Variants in CNTN5 observed in about 807,000 individuals in gnomAD.
The protein encoded by CNTN5 is contactin 5.
In CNTN5, 77 loss-of-function variants were observed where a neutral mutation model predicts 129.1. The ratio of observed to expected loss-of-function variants is 0.60; its 90% CI spans 0.50 to 0.72. The LOEUF (loss-of-function observed/expected upper bound fraction) is 0.72, where lower values mean the gene tolerates loss of function less well. Among genes scored for constraint, CNTN5 ranks in the 30% least tolerant of loss-of-function variants. The pLI, the probability that CNTN5 is intolerant of heterozygous loss-of-function variation, is 0.00. For missense variants in CNTN5, 1,478 were observed against 1,328.8 expected, an observed-to-expected ratio of 1.11 and a Z score of -1.75; for synonymous variants, 509 against 465.6, an observed-to-expected ratio of 1.09 and a Z score of -1.20.
At chr11:100,025,039 A>G (rs1941351589) in intron 9 of CNTN5, among the ~76,000 whole-genome samples, 2 of 152,210 alleles carry the variant, frequency 1.3e-5, no homozygotes, top group Admixed American at 6.5e-5. Context: ...ACAATGGGGA[A>G]AATGTCTCCA....
At chr11:100,219,705 T>C (rs1372916969) in intron 15 of CNTN5, among the ~76,000 whole-genome samples, 1 of 152,232 alleles carries the variant, frequency 6.6e-6, no homozygotes. Context: ...TTACTCATTT[T>C]GAGTCTTCAA....
In CNTN5 at chr11:100,202,672, A is replaced by C. The variant is rs1267533441; in HGVS notation, c.1884+9009A>C. Among the ~76,000 whole-genome samples, 4 of 152,052 alleles carry C rather than the reference A, an allele frequency of 2.6e-5. No homozygotes were observed. The East Asian group carries it at 5.8e-4, about 22-fold the overall frequency. On this transcript the variant is annotated intron_variant, in intron 15 of 24. Coordinates refer to ENST00000524871, the MANE Select transcript of CNTN5 (RefSeq NM_014361.4). ...GACCTAAGCTAAAACATTTAAATAGAATTTTACATTTTTAACAGCCCTTTT... is the reference window on the plus strand; with the variant it reads ...GACCTAAGCTAAAACATTTAAATAGCATTTTACATTTTTAACAGCCCTTTT...
intron 13 of CNTN5, among the ~76,000 whole-genome samples, chr11:100,153,058 G>A (rs1328715819): frequency 6.6e-6 from 1 of 152,074 alleles, no homozygotes; most frequent in African/African-American, 2.4e-5. Flanking sequence ...TAATAAAAAT[G>A]CAATTTTCCA....
intron 1 of CNTN5, among the ~76,000 whole-genome samples, chr11:99,232,696 G>T (rs982766611): frequency 1.3e-5 from 2 of 151,928 alleles, no homozygotes; most frequent in Non-Finnish European, 1.5e-5. Context: ...AGTTAATGAG[G>T]GATATAAATA....
chr11:99,483,548 A>C (rs571440869), intron 2 of CNTN5, among the ~76,000 whole-genome samples: 15 of 152,150 alleles, frequency 9.9e-5, no homozygotes, highest in African/African-American at 3.4e-4. Flanking sequence ...GCTGCTCACC[A>C]TTTTCAGGTG....
chr11:99,321,240 C>CA (rs1865556852), intron 1 of CNTN5, among the ~76,000 whole-genome samples: 1 of 151,528 alleles, frequency 6.6e-6, no homozygotes, highest in African/African-American at 2.4e-5. Flanking sequence ...GCACATACAA[C>CA]ACACAGACAG....
intron 2 of CNTN5, among the ~76,000 whole-genome samples, chr11:99,460,235 T>C (rs1187423344): frequency 6.6e-6 from 1 of 151,600 alleles, no homozygotes; most frequent in Non-Finnish European, 1.5e-5. Context: ...AAATTATCTC[T>C]TAAATAGAAA....
At chr11:99,127,800 G>T (rs1237263354) in intron 1 of CNTN5, among the ~76,000 whole-genome samples, 1 of 152,084 alleles carries the variant, frequency 6.6e-6, no homozygotes, top group Non-Finnish European at 1.5e-5. Context: ...GCTGTGTGAG[G>T]TATTTTGTCC....
At chr11:99,810,798 A>G (rs1369069896) in intron 3 of CNTN5, among the ~76,000 whole-genome samples, 1 of 152,136 alleles carries the variant, frequency 6.6e-6, no homozygotes, top group African/African-American at 2.4e-5. Context: ...TACTTTGAAA[A>G]AGGTCAGGTA....
In CNTN5 at chr11:99,073,374, GTT is replaced by G. The variant is rs750531770; in HGVS notation, c.-210+52127_-210+52128del. Among the ~76,000 whole-genome samples, 50 of 61,184 alleles carry G rather than the reference GTT, an allele frequency of 8.2e-4. No individual in the cohort carries two copies. In the East Asian group the frequency reaches 0.02, roughly 25 times the overall value. 40.1% of individuals were successfully genotyped at this position (61,184 alleles called of 152,430 possible). A position where few individuals can be genotyped will look rare whatever the true frequency, so the allele number is the denominator to read the frequency against. On this transcript the variant is annotated intron_variant, in intron 1 of 24. Coordinates refer to ENST00000524871, the MANE Select transcript of CNTN5 (RefSeq NM_014361.4). ...GACTGGTATGTCTCTTTATGGTTTG[GTT>G]TTTTTTTTTTTTTTTTTTTTTTACT... is the stretch of plus-strand genomic sequence containing the variant.
intron 1 of CNTN5, among the ~76,000 whole-genome samples, chr11:99,261,807 C>T (rs535613485): frequency 5.3e-5 from 8 of 151,940 alleles, no homozygotes; most frequent in African/African-American, 1.4e-4. Context: ...ACTTTTATTA[C>T]GACACATTTG....
intron 1 of CNTN5, among the ~76,000 whole-genome samples, chr11:99,045,627 A>G (rs960069658): frequency 6.6e-6 from 1 of 152,222 alleles, no homozygotes. Flanking sequence ...TATGCTATGC[A>G]TTTTCATCAT....
intron 3 of CNTN5, among the ~76,000 whole-genome samples, chr11:99,639,559 G>GTTTTTTTTTTTTTTTTT (rs71050010): frequency 2.8e-5 from 2 of 70,322 alleles, no homozygotes; most frequent in African/African-American, 5.6e-5. Context: ...TCACCTTTAT[G>GTTTTTTTTTTTTTTTTT]TTTTTTTTTT....
At position 99,531,090 on chromosome 11, in the gene CNTN5, A is replaced by G. The variant is rs1046373904; in HGVS notation, c.-70-25055A>G. On this transcript the variant is annotated intron_variant, in intron 2 of 24. Transcript: ENST00000524871. ...AATGTGGAAGAGTTTGGAACTTCCT[A>G]GAGACTTGTTGAATGGCTTTTCCCA... Among the ~76,000 whole-genome samples the G allele has an allele frequency of 1.5e-4, 23 of 152,306 alleles. No homozygotes were observed. The East Asian group carries it at 4.3e-3, about 28-fold the overall frequency.
rs554591872 is a variant in CNTN5, at chr11:100,279,383, G to C, written c.2314+8142G>C. Among the ~76,000 whole-genome samples the C allele has an allele frequency of 9.9e-5, 15 of 151,900 alleles. No homozygotes were observed. In the South Asian group the frequency reaches 3.1e-3, roughly 32 times the overall value. ...TTTTTGAAATAGTTTGAGTAGGATT[G>C]GTTTTAGTTCTTCTTTAAATGTTTG... is the stretch of plus-strand genomic sequence containing the variant. On this transcript the variant is annotated intron_variant, in intron 18 of 24. Coordinates refer to ENST00000524871, the MANE Select transcript of CNTN5 (RefSeq NM_014361.4).
chr11:99,892,087 C>T (rs1440752415), intron 6 of CNTN5, among the ~76,000 whole-genome samples: 1 of 152,084 alleles, frequency 6.6e-6, no homozygotes, highest in African/African-American at 2.4e-5. Context: ...TAATGATGAG[C>T]TTTTCTTCGT....
At chr11:100,289,634 C>A (rs1353398927) in intron 18 of CNTN5, among the ~76,000 whole-genome samples, 1 of 151,950 alleles carries the variant, frequency 6.6e-6, no homozygotes, top group East Asian at 1.9e-4. Flanking sequence ...CTATCTATGA[C>A]AAACCCACAG....
At chr11:99,437,378 C>T (rs1214675889) in intron 2 of CNTN5, among the ~76,000 whole-genome samples, 6 of 151,950 alleles carry the variant, frequency 3.9e-5, no homozygotes, top group Non-Finnish European at 7.4e-5. Context: ...CATTATTATT[C>T]TTAATAAATA....
At position 99,583,042 on chromosome 11, in the gene CNTN5, A is replaced by G. The variant is rs540257113; in HGVS notation, c.55+26773A>G. On this transcript the variant is annotated intron_variant, in intron 3 of 24. Coordinates refer to ENST00000524871, the MANE Select transcript of CNTN5 (RefSeq NM_014361.4). ...TCTGTTTGTTAGTTTTCCTTCTAAC[A>G]GTCAGGACTCTCAGCTTCAGGTCTG... Among the ~76,000 whole-genome samples, 161 of 152,372 alleles carry G rather than the reference A, an allele frequency of 1.1e-3. 3 individuals are homozygous for G. Among genetic ancestry groups the G allele is most frequent in the East Asian group, 2.5e-3 (13 of 5,186 alleles).
Sources: allele counts gnomAD v4.1 joint callset (sites outside exome capture counted in the v4.1 genomes callset), GRCh38; gene constraint gnomAD v4.1.1; transcripts MANE v1.5; gene names NCBI Gene and HGNC (gene_info 2026-07-23, HGNC 2026-07-21).